Variants in SYNE2 observed in about 807,000 individuals in gnomAD.
The protein encoded by SYNE2 is spectrin repeat containing nuclear envelope protein 2, also known as nesprin-2.
In SYNE2, 431 loss-of-function variants were observed where a neutral mutation model predicts 856.3. The ratio of observed to expected loss-of-function variants is 0.50; its 90% CI spans 0.47 to 0.55. SYNE2 has a LOEUF of 0.55. SYNE2 is among the 20% of genes least tolerant of loss of function. The pLI, the probability that SYNE2 is intolerant of heterozygous loss-of-function variation, is 0.00. For missense variants in SYNE2, 8,129 were observed against 8,023.2 expected (o/e 1.01, Z -0.50); for synonymous variants, 2,923 against 2,872.3 (o/e 1.02, Z -0.56).
chr14:63,900,940 A>G (rs955436605), intron 1 of SYNE2, among the ~76,000 whole-genome samples: 2 of 152,236 alleles, frequency 1.3e-5, no homozygotes, highest in Non-Finnish European at 2.9e-5. Context: ...GACTATAAAT[A>G]ACAGAGTACA....
intron 2 of SYNE2, among the ~76,000 whole-genome samples, chr14:63,927,363 C>T (rs1181467094): frequency 6.6e-6 from 1 of 151,936 alleles, no homozygotes; most frequent in Non-Finnish European, 1.5e-5. Context: ...GCCTGGGCAA[C>T]AAAGTGAGAC....
chr14:63,914,783 T>C (rs1468407467), intron 2 of SYNE2, among the ~76,000 whole-genome samples: 1 of 152,084 alleles, frequency 6.6e-6, no homozygotes, highest in Non-Finnish European at 1.5e-5. Flanking sequence ...GTGTTTTGTT[T>C]TGTTTTGTTT....
chr14:64,177,239 T>C, intron 95 of SYNE2, 119 bp from the exon 96 acceptor site: 7 of 1,290,036 alleles, frequency 5.4e-6, no homozygotes, highest in Non-Finnish European at 7.7e-6. Context: ...TGGGTGTCTG[T>C]GTGATTTATT....
intron 63 of SYNE2, chr14:64,099,131 C>G: frequency 8.0e-6 from 3 of 373,846 alleles, no homozygotes; most frequent in Non-Finnish European, 1.5e-5. Context: ...CTGTTTGGCA[C>G]TCCTGGTCTC....
intron 1 of SYNE2, among the ~76,000 whole-genome samples, chr14:63,771,306 G>A (rs565018386): frequency 2.0e-5 from 3 of 151,756 alleles, no homozygotes; most frequent in African/African-American, 7.2e-5. Flanking sequence ...TCTTGACCTC[G>A]TGATCCGCCC....
At chr14:63,948,796 ATATATATATATATATATATATATATATG>A (rs1566884855) in intron 6 of SYNE2, among the ~76,000 whole-genome samples, 5 of 83,658 alleles carry the variant, frequency 6.0e-5, no homozygotes, top group East Asian at 3.1e-4. Context: ...ATATATATAT[ATATATATATATATATATATATATATATG>A]TAGCTTAATT....
chr14:64,075,806 C>T (rs149123565), intron 53 of SYNE2, 139 bp from the exon 54 acceptor site: 2 of 834,446 alleles, frequency 2.4e-6, no homozygotes, highest in African/African-American at 3.3e-5. Context: ...GCTTAATCAG[C>T]TTGTATCACT....
At chr14:64,107,001 G>T (rs2097776072) in intron 64 of SYNE2, among the ~76,000 whole-genome samples, 1 of 151,990 alleles carries the variant, frequency 6.6e-6, no homozygotes, top group African/African-American at 2.4e-5. Context: ...TTGAAATGTG[G>T]CCTTTATCAT....
intron 79 of SYNE2, among the ~76,000 whole-genome samples, chr14:64,139,707 C>T (rs1393113275): frequency 6.6e-6 from 1 of 152,164 alleles, no homozygotes; most frequent in Non-Finnish European, 1.5e-5. Flanking sequence ...GCCACCACAT[C>T]TGGCCTAAAA....
At chr14:64,218,045 G>A (rs1475516614) in intron 108 of SYNE2, among the ~76,000 whole-genome samples, 1 of 152,228 alleles carries the variant, frequency 6.6e-6, no homozygotes, top group East Asian at 1.9e-4. Context: ...AATTCAAAGT[G>A]CTAACGCAGT....
At chr14:64,162,021 T>C in intron 87 of SYNE2, 51 bp from the exon 88 acceptor site, 1 of 1,607,678 alleles carries the variant, frequency 6.2e-7, no homozygotes, top group Non-Finnish European at 8.5e-7. Flanking sequence ...GTACTTTCGC[T>C]ACAAGAGAAA....
At chr14:64,209,617 A>G in intron 102 of SYNE2, 39 bp downstream of exon 102, 2 of 1,612,180 alleles carry the variant, frequency 1.2e-6, no homozygotes, top group Middle Eastern at 1.8e-4. Context: ...GATCATAACC[A>G]AGCCTGCAGC....
Position 64,221,586 on chromosome 14 carries a change from A to G in SYNE2, c.20072A>G (p.Gln6691Arg). The G allele has an allele frequency of 6.2e-7, 1 of 1,614,192 alleles. No homozygotes were observed. Among genetic ancestry groups the G allele is most frequent in the Non-Finnish European group, 8.5e-7 (1 of 1,180,032 alleles). Residue 6691 changes from glutamine to arginine, a missense_variant, in exon 112 of 116, where the codon CAG (glutamine) becomes CGG (arginine). Physicochemically the swap from Gln to Arg is conservative, Grantham distance 43. This residue lies in a region of SYNE2 where 5,410 missense variants were observed against 5,284.8 expected (regional missense o/e 1.02). Coordinates refer to ENST00000555002, the MANE Select transcript of SYNE2 (RefSeq NM_182914.3). ...GTGTTGTTTTTTAAGGACTTCCACC[A>G]GTTGAGTCAAAATCTGCTGCTGTGG... ...QSLMQCQDFH[Q>R]LSQNLLLWLA... is the part of the protein sequence containing the mutation.
intron 1 of SYNE2, among the ~76,000 whole-genome samples, chr14:63,780,873 G>A (rs192462709): frequency 1.3e-5 from 2 of 152,286 alleles, no homozygotes; most frequent in Admixed American, 1.3e-4. Context: ...TTTGTGGATG[G>A]CATTGGGATG....
chr14:64,139,433 A>G (rs1250415198), intron 79 of SYNE2, among the ~76,000 whole-genome samples: 1 of 151,042 alleles, frequency 6.6e-6, no homozygotes, highest in African/African-American at 2.4e-5. Flanking sequence ...TTTATTTGAG[A>G]CAGAGTCTTG....
intron 89 of SYNE2, 62 bp downstream of exon 89, chr14:64,163,643 T>C (rs546037132): frequency 1.9e-6 from 3 of 1,592,622 alleles, no homozygotes; most frequent in Non-Finnish European, 2.6e-6. Context: ...CCTCAATCCC[T>C]TGTATCCTTT....
Position 64,073,871 on chromosome 14 carries a change from A to G in SYNE2, c.10698-97A>G, listed in dbSNP as rs1244998321. 4 of 1,330,110 alleles carry G rather than the reference A, an allele frequency of 3.0e-6. No individual in the cohort carries two copies. In the African/African-American group the frequency reaches 5.8e-5, roughly 19 times the overall value. The allele number at this position is 1,330,110 out of a possible 1,614,324, so 82.4% of individuals were successfully genotyped here. On this transcript the variant is annotated intron_variant, in intron 52 of 115. Transcript: ENST00000555002. ...AGGAAATAACCATCCTTTAGTAGCT[A>G]TTCAGGCATTTCATTAATTGTTGCA... is the stretch of plus-strand genomic sequence containing the variant.
chr14:63,885,705 A>C (rs1266880713), intron 1 of SYNE2, among the ~76,000 whole-genome samples: 2 of 152,184 alleles, frequency 1.3e-5, no homozygotes, highest in African/African-American at 4.8e-5. Flanking sequence ...GGGCTCAAGC[A>C]ATCCTGCCTC....
intron 49 of SYNE2, among the ~76,000 whole-genome samples, chr14:64,060,694 G>T (rs1265128705): frequency 6.6e-6 from 1 of 152,070 alleles, no homozygotes; most frequent in Non-Finnish European, 1.5e-5. Flanking sequence ...CACTGGCTCT[G>T]ATTGTAGCAC....
Sources: gnomAD v4.1 joint callset for allele counts (sites outside exome capture counted in the v4.1 genomes callset) on GRCh38, gnomAD v4.1.1 for gene constraint, gnomAD v4.1.1 regional missense constraint, MANE v1.5 for transcripts, NCBI Gene and HGNC (gene_info 2026-07-23, HGNC 2026-07-21) for gene names.